The following LPAR3 variants were observed in gnomAD, a reference collection of about 807,000 sequenced individuals.
LPAR3 encodes LPA receptor 3.
A neutral mutation model predicts 17.8 loss-of-function variants in LPAR3; 7 were observed. The ratio of observed to expected loss-of-function variants is 0.39; its 90% CI spans 0.22 to 0.74. The LOEUF (loss-of-function observed/expected upper bound fraction) is 0.74, where lower values mean the gene tolerates loss of function less well. LPAR3 is among the 30% of genes least tolerant of loss of function. The probability of loss-of-function intolerance (pLI) is 0.40; values close to 1 mark genes in which losing one functional copy is unlikely to be tolerated. For missense variants in LPAR3, 391 were observed against 453.4 expected, an observed-to-expected ratio of 0.86 and a Z score of 1.25; for synonymous variants, 179 against 179.9, an observed-to-expected ratio of 0.99 and a Z score of 0.04.
intron 1 of LPAR3, among the ~76,000 whole-genome samples, chr1:84,883,251 G>A (rs1186120647): frequency 6.6e-6 from 1 of 152,176 alleles, no homozygotes; most frequent in Admixed American, 6.5e-5. Flanking sequence ...GGGGAAAAGG[G>A]ACCCCAACAG....
intron 1 of LPAR3, among the ~76,000 whole-genome samples, chr1:84,885,054 G>A (rs1660432508): frequency 6.6e-6 from 1 of 152,138 alleles, no homozygotes; most frequent in Non-Finnish European, 1.5e-5. Context: ...AGCAGCCAGG[G>A]CCAATCCTCT....
chr1:84,887,670 T>G (rs991242994), intron 1 of LPAR3, among the ~76,000 whole-genome samples: 1 of 152,210 alleles, frequency 6.6e-6, no homozygotes, highest in African/African-American at 2.4e-5. Flanking sequence ...GTTGGCACCA[T>G]GTGCCTTCTG....
chr1:84,820,811 T>A (rs568928266), intron 2 of LPAR3, among the ~76,000 whole-genome samples: 1 of 152,282 alleles, frequency 6.6e-6, no homozygotes, highest in Admixed American at 6.5e-5. Context: ...TAAGAAAATC[T>A]TTCTATGTTC....
chr1:84,866,193 C>T (rs1008658359), intron 1 of LPAR3, 55 bp from the exon 2 acceptor site: 1 of 1,341,904 alleles, frequency 7.5e-7, no homozygotes, highest in African/African-American at 1.5e-5. Context: ...AGTCACTAAG[C>T]CATCAATTGC....
intron 2 of LPAR3, among the ~76,000 whole-genome samples, chr1:84,860,505 C>A (rs1659919461): frequency 6.6e-6 from 1 of 152,090 alleles, no homozygotes; most frequent in African/African-American, 2.4e-5. Context: ...TTCCTCCAGC[C>A]CATGCAAATC....
At chr1:84,839,124 T>C (rs958973415) in intron 2 of LPAR3, among the ~76,000 whole-genome samples, 4 of 152,182 alleles carry the variant, frequency 2.6e-5, no homozygotes, top group African/African-American at 9.6e-5. Context: ...ATGGTCTCTT[T>C]TCATAGATTA....
intron 1 of LPAR3, among the ~76,000 whole-genome samples, chr1:84,879,316 C>CTTTTTTCT (rs1553149965): frequency 8.3e-5 from 10 of 120,620 alleles, no homozygotes; most frequent in African/African-American, 1.7e-4. Flanking sequence ...TTTCTTTTTT[C>CTTTTTTCT]TTTTTTTTTT....
At chr1:84,886,569 C>G (rs1339778094) in intron 1 of LPAR3, among the ~76,000 whole-genome samples, 1 of 152,012 alleles carries the variant, frequency 6.6e-6, no homozygotes, top group Non-Finnish European at 1.5e-5. Context: ...GCTAATTTGC[C>G]AAGAGAGTAG....
intron 1 of LPAR3, among the ~76,000 whole-genome samples, chr1:84,867,590 A>G (rs1483492474): frequency 6.6e-6 from 1 of 152,174 alleles, no homozygotes; most frequent in East Asian, 1.9e-4. Context: ...TTTTACATGA[A>G]TTAGATATTG....
intron 2 of LPAR3, among the ~76,000 whole-genome samples, chr1:84,830,186 T>C (rs1478155667): frequency 6.6e-6 from 1 of 152,230 alleles, no homozygotes; most frequent in African/African-American, 2.4e-5. Flanking sequence ...TCTCTCGTTC[T>C]GATTCTCTTC....
At chr1:84,838,738 T>C (rs544838388) in intron 2 of LPAR3, among the ~76,000 whole-genome samples, 1 of 152,322 alleles carries the variant, frequency 6.6e-6, no homozygotes, top group Non-Finnish European at 1.5e-5. Context: ...ACTATCTCCT[T>C]GCTTCAAAGT....
At chr1:84,851,305 G>T (rs1015798030) in intron 2 of LPAR3, among the ~76,000 whole-genome samples, 1 of 152,100 alleles carries the variant, frequency 6.6e-6, no homozygotes, top group Non-Finnish European at 1.5e-5. Context: ...CTCCTTCCCA[G>T]TCCCTCTTAC....
At chr1:84,818,791 G>A (rs1009339277) in intron 2 of LPAR3, among the ~76,000 whole-genome samples, 6 of 151,984 alleles carry the variant, frequency 3.9e-5, no homozygotes, top group African/African-American at 9.7e-5. Context: ...TCCAATATAC[G>A]GATGTAATGT....
chr1:84,840,850 T>C (rs571060146), intron 2 of LPAR3, among the ~76,000 whole-genome samples: 4 of 152,352 alleles, frequency 2.6e-5, no homozygotes, highest in Non-Finnish European at 5.9e-5. Context: ...TAATTAAGTA[T>C]TGCATCCCTT....
intron 2 of LPAR3, among the ~76,000 whole-genome samples, chr1:84,836,441 T>C (rs1465861328): frequency 9.2e-5 from 14 of 151,862 alleles, no homozygotes. Flanking sequence ...TCATGTCTAA[T>C]ATAAAACCAC....
At chr1:84,816,127 A>G (rs1042736705) in intron 2 of LPAR3, among the ~76,000 whole-genome samples, 6 of 152,170 alleles carry the variant, frequency 3.9e-5, no homozygotes, top group Non-Finnish European at 8.8e-5. Context: ...TGGGTGTGCA[A>G]TCAATGTGAC....
intron 2 of LPAR3, among the ~76,000 whole-genome samples, chr1:84,853,878 C>G (rs1043094991): frequency 2.6e-5 from 4 of 152,368 alleles, no homozygotes; most frequent in Admixed American, 2.6e-4. Flanking sequence ...GGGCTGAAGA[C>G]TGGCCACAGG....
At chr1:84,821,500 G>C (rs1397226875) in intron 2 of LPAR3, among the ~76,000 whole-genome samples, 4 of 152,194 alleles carry the variant, frequency 2.6e-5, no homozygotes, top group Non-Finnish European at 5.9e-5. Context: ...TGTGGAACTA[G>C]AAGTCAACTC....
intron 2 of LPAR3, among the ~76,000 whole-genome samples, chr1:84,836,033 T>TTTTTTTTTTTAAA (rs1659398501): frequency 7.0e-6 from 1 of 143,224 alleles, no homozygotes; most frequent in Non-Finnish European, 1.5e-5. Context: ...TTTTTTTTTT[T>TTTTTTTTTTTAAA]ACTTAGAAAC....
Sources: gnomAD v4.1 joint callset for allele counts (sites outside exome capture counted in the v4.1 genomes callset) on GRCh38, gnomAD v4.1.1 for gene constraint, MANE v1.5 for transcripts, NCBI Gene and HGNC (gene_info 2026-07-23, HGNC 2026-07-21) for gene names.